EBF4: variants seen among roughly 807,000 people sequenced by gnomAD.
The protein encoded by EBF4 is EBF transcription factor 4.
A neutral mutation model predicts 67.1 loss-of-function variants in EBF4; 34 were observed. That is an observed-to-expected ratio of 0.51 (90% CI 0.39 to 0.67). The LOEUF (loss-of-function observed/expected upper bound fraction) is 0.67. Ranked by LOEUF, EBF4 falls within the 30% of genes least tolerant of loss-of-function variation. The pLI, the probability that EBF4 is intolerant of heterozygous loss-of-function variation, is 0.00. For synonymous variants in EBF4, 387 were observed against 377.7 expected (o/e 1.02, Z -0.29); for missense variants, 837 against 873.3 (o/e 0.96, Z 0.52).
At chr20:2,724,299 G>A (rs2146430916) in intron 6 of EBF4, among the ~76,000 whole-genome samples, 1 of 152,182 alleles carries the variant, frequency 6.6e-6, no homozygotes, top group East Asian at 1.9e-4. Context: ...TATCACACCT[G>A]CCCTATTTTT....
At chr20:2,750,087 G>T in intron 10 of EBF4, 114 bp downstream of exon 10, 9 of 1,407,720 alleles carry the variant, frequency 6.4e-6, no homozygotes, top group Non-Finnish European at 8.4e-6. Context: ...CTGTGGCCAC[G>T]ACCCCTAGAC....
chr20:2,752,366 G>A, exon 14 of EBF4: 2 of 1,222,396 alleles, frequency 1.6e-6, no homozygotes, highest in South Asian at 3.5e-5. Context: ...GGCTACGCGC[G>A]CAGCTGCAGC....
At chr20:2,710,476 A>T (rs895546155) in intron 6 of EBF4, among the ~76,000 whole-genome samples, 1 of 152,028 alleles carries the variant, frequency 6.6e-6, no homozygotes, top group South Asian at 2.1e-4. Flanking sequence ...GGAAATGCAT[A>T]AATAAGGTGT....
At chr20:2,723,731 T>C (rs1009480082) in intron 6 of EBF4, among the ~76,000 whole-genome samples, 1 of 152,212 alleles carries the variant, frequency 6.6e-6, no homozygotes, top group Non-Finnish European at 1.5e-5. Context: ...TCATTTACTT[T>C]ATTGAGATTA....
rs989754424 is a variant in EBF4, at chr20:2,696,121, G to A, written c.137+2339G>A. On this transcript the variant is annotated intron_variant, in intron 1 of 16. Transcript: ENST00000609451. This position sits in a 1 kb window ranked among gnomAD's most constrained non-coding sequence, Gnocchi z 4.7. Reference sequence around the variant, plus strand: ...CTAAAACCATCTTCCCTGCATTGGGGACCAAAGCAGTATTTCCAAAGTACT... The same window carrying A: ...CTAAAACCATCTTCCCTGCATTGGGAACCAAAGCAGTATTTCCAAAGTACT... Among the ~76,000 whole-genome samples the A allele has an allele frequency of 1.3e-5, 2 of 152,172 alleles. No individual in the cohort carries two copies. Among genetic ancestry groups the A allele is most frequent in the Non-Finnish European group, 2.9e-5 (2 of 68,030 alleles).
chr20:2,727,863 A>G (rs2087765706), intron 6 of EBF4, among the ~76,000 whole-genome samples: 1 of 152,140 alleles, frequency 6.6e-6, no homozygotes, highest in African/African-American at 2.4e-5. Flanking sequence ...CTCTTTGGAG[A>G]AATGTTCATT....
chr20:2,751,929 T>C lies in EBF4; in HGVS notation c.1115T>C (p.Leu372Pro). ...CTCTCCCCCTGTCCCCAGGAAGTGC[T>C]GCTGAAGCGGGCGGCCGACTTGGCA... is the stretch of plus-strand genomic sequence containing the variant. Residue 372 changes from leucine to proline, a missense_variant, in exon 12 of 17, where the codon CTG becomes CCG. Physicochemically the swap from Leu to Pro is moderately conservative, Grantham distance 98. Around this residue, in one of 3 missense-constraint regions of EBF4, gnomAD observed 525 missense variants for 496.5 expected, o/e 1.06. Transcript: ENST00000609451. The surrounding 1 kb of genome is among the most constrained non-coding windows in gnomAD (Gnocchi z 5.2). 1 of 1,549,298 alleles carries C rather than the reference T, an allele frequency of 6.5e-7. No individual in the cohort carries two copies. The highest frequency in any genetic ancestry group is 8.7e-7 in the Non-Finnish European group (1 of 1,146,774).
Position 2,755,900 on chromosome 20 carries a change from C to G in EBF4, c.1738+76C>G. ...AGCAGCTGGGCTACAGGGGCCTGCTCTGTCCACATCTCACCAGTGCCTCAT... is the reference window on the plus strand; with the variant it reads ...AGCAGCTGGGCTACAGGGGCCTGCTGTGTCCACATCTCACCAGTGCCTCAT... On this transcript the variant is annotated intron_variant, in intron 15 of 16. Transcript: ENST00000609451. This position sits in a 1 kb window ranked among gnomAD's most constrained non-coding sequence, Gnocchi z 4.7. 1 of 1,342,168 alleles carries G rather than the reference C, an allele frequency of 7.5e-7. No individual in the cohort carries two copies. The highest frequency in any genetic ancestry group is 1.0e-6 in the Non-Finnish European group (1 of 991,700). 83.1% of individuals were successfully genotyped at this position (1,342,168 alleles called of 1,614,324 possible).
intron 6 of EBF4, among the ~76,000 whole-genome samples, chr20:2,724,423 C>T (rs975961252): frequency 6.6e-6 from 1 of 152,060 alleles, no homozygotes; most frequent in African/African-American, 2.4e-5. Context: ...TTTGGAGGGC[C>T]ATTTTCTTTC....
chr20:2,737,508 T>C (rs2087905578), intron 6 of EBF4, among the ~76,000 whole-genome samples: 1 of 152,118 alleles, frequency 6.6e-6, no homozygotes, highest in Non-Finnish European at 1.5e-5. Context: ...AAAATAGAGC[T>C]GACCAATGAG....
Position 2,755,442 on chromosome 20 carries a change from C to T in EBF4, c.1541-185C>T, listed in dbSNP as rs533026720. 8.5e-6 allele frequency: 5 copies of T among 589,078 alleles called. No homozygotes were observed. The highest frequency in any genetic ancestry group is 7.5e-5 in the African/African-American group (4 of 53,444). 36.5% of individuals were successfully genotyped at this position (589,078 alleles called of 1,614,324 possible). On this transcript the variant is annotated intron_variant, in intron 14 of 16. Transcript: ENST00000609451. The surrounding 1 kb of genome is among the most constrained non-coding windows in gnomAD (Gnocchi z 4.7). ...CATCCCCAGCCCCGAGAAAAGGTCT[C>T]CAGAACCGCTGAGAGGTCAGGGCTG...
chr20:2,693,914 C>T lies in EBF4; in HGVS notation c.137+132C>T. On this transcript the variant is annotated intron_variant, in intron 1 of 16. Coordinates refer to ENST00000609451, the Ensembl canonical transcript of EBF4. The surrounding 1 kb of genome is among the most constrained non-coding windows in gnomAD (Gnocchi z 4.6). Reference sequence around the variant, plus strand: ...TGGACGGTCCCGGCGAGCTCCCCGGCCCACCCCGTCCGGAGTGCCTGTGCT... The same window carrying T: ...TGGACGGTCCCGGCGAGCTCCCCGGTCCACCCCGTCCGGAGTGCCTGTGCT... 8.6e-7 allele frequency: 1 copy of T among 1,169,342 alleles called. No homozygotes were observed. The highest frequency in any genetic ancestry group is 1.1e-6 in the Non-Finnish European group (1 of 929,768). 72.4% of individuals were successfully genotyped at this position (1,169,342 alleles called of 1,614,324 possible). A position where few individuals can be genotyped will look rare whatever the true frequency, so the allele number is the denominator to read the frequency against.
intron 1 of EBF4, among the ~76,000 whole-genome samples, chr20:2,695,832 A>G (rs926267974): frequency 9.9e-5 from 15 of 151,946 alleles, no homozygotes; most frequent in Non-Finnish European, 7.4e-5. Flanking sequence ...CTTTCACGGA[A>G]GTGCTCTCCC....
At position 2,728,362 on chromosome 20, in the gene EBF4, A is replaced by G. The variant is rs566402506; in HGVS notation, c.557+18720A>G. Among the ~76,000 whole-genome samples the G allele has an allele frequency of 3.7e-4, 57 of 152,314 alleles. 2 individuals carry two copies. The highest frequency in any genetic ancestry group is 6.8e-3 in the Middle Eastern group (2 of 294). ...AACTCCAGAGATTGTCTGATTCTAA[A>G]GCATCTCGTCATCCTGGCTTGGTCC... On this transcript the variant is annotated intron_variant, in intron 6 of 16. Transcript: ENST00000609451.
intron 1 of EBF4, among the ~76,000 whole-genome samples, chr20:2,697,415 G>A (rs1356570369): frequency 1.3e-5 from 2 of 152,088 alleles, no homozygotes; most frequent in African/African-American, 2.4e-5. Context: ...CGTGGTGGCG[G>A]GCGCCTGTAG....
intron 6 of EBF4, among the ~76,000 whole-genome samples, chr20:2,740,582 T>C (rs1206658710): frequency 1.3e-5 from 2 of 152,176 alleles, no homozygotes; most frequent in Admixed American, 1.3e-4. Flanking sequence ...CCTAAGTATC[T>C]CATGGGGATG....
At position 2,736,975 on chromosome 20, in the gene EBF4, C is replaced by T. The variant is rs118096379; in HGVS notation, c.558-11574C>T. Among the ~76,000 whole-genome samples, 624 of 152,068 alleles carry T rather than the reference C, an allele frequency of 4.1e-3. 2 individuals carry two copies. The highest frequency in any genetic ancestry group is 6.1e-3 in the Non-Finnish European group (413 of 67,998). On this transcript the variant is annotated intron_variant, in intron 6 of 16. Transcript: ENST00000609451. The stretch of plus-strand genomic sequence containing the variant: ...AGAAAATTGGGGGAAGAGGACCGGG[C>T]GCGGTGGCTCACGCTTGTAATCCCA...
At chr20:2,720,101 C>T (rs1304189898) in intron 6 of EBF4, among the ~76,000 whole-genome samples, 1 of 152,108 alleles carries the variant, frequency 6.6e-6, no homozygotes, top group Non-Finnish European at 1.5e-5. Flanking sequence ...ATTATGTCTT[C>T]TTGTTTAATT....
intron 6 of EBF4, among the ~76,000 whole-genome samples, chr20:2,711,649 A>G (rs2087546567): frequency 1.3e-5 from 2 of 152,346 alleles, no homozygotes; most frequent in South Asian, 4.1e-4. Context: ...ATTCTTGAGC[A>G]TCTACTCTGT....
Sources: allele counts gnomAD v4.1 joint callset (sites outside exome capture counted in the v4.1 genomes callset), GRCh38; gene constraint gnomAD v4.1.1; regional missense constraint gnomAD v4.1.1; non-coding constraint Gnocchi (gnomAD v3.1); transcripts MANE v1.5; gene names NCBI Gene and HGNC (gene_info 2026-07-23, HGNC 2026-07-21).